The following TFEC variants were observed in gnomAD, a reference collection of about 807,000 sequenced individuals.
TFEC encodes the protein transcription factor EC, also known as class E basic helix-loop-helix protein 34.
Under a neutral mutation model 41.6 loss-of-function variants are expected in TFEC, and 31 were observed. That is an observed-to-expected ratio of 0.74 (90% CI 0.56 to 1.01). The LOEUF (loss-of-function observed/expected upper bound fraction) is 1.01. Among genes scored for constraint, TFEC ranks in the 50% least tolerant of loss-of-function variants. The pLI is 0.00. For missense variants in TFEC, 402 were observed against 404.1 expected (o/e 0.99, Z 0.04); for synonymous variants, 143 against 140.6 (o/e 1.02, Z -0.12).
intron 1 of TFEC, among the ~76,000 whole-genome samples, chr7:116,117,837 A>C (rs2116175357): frequency 6.6e-6 from 1 of 152,038 alleles, no homozygotes; most frequent in African/African-American, 2.4e-5. Flanking sequence ...TAGCCACATC[A>C]CTGAGTTATT....
chr7:116,094,044 T>C lies in TFEC; in HGVS notation c.198+16664A>G, dbSNP rs560515642. ...ACAAAAACAAAACCACAAGAAGAAA[T>C]TGAAAGTAGGCAGGACAAGTATAGA... On this transcript the variant is annotated intron_variant, in intron 3 of 8. Coordinates refer to the TFEC transcript ENST00000484212. Among the ~76,000 whole-genome samples the C allele has an allele frequency of 1.1e-4, 17 of 152,170 alleles. 1 individual carries two copies. The East Asian group carries it at 3.3e-3, about 29-fold the overall frequency.
chr7:115,958,967 T>A (rs1429476514), intron 3 of TFEC, among the ~76,000 whole-genome samples: 1 of 151,852 alleles, frequency 6.6e-6, no homozygotes, highest in Non-Finnish European at 1.5e-5. Context: ...ATGTACAGAT[T>A]GCATTCACCT....
In TFEC at chr7:116,075,624, T is replaced by C. The variant is rs191676114; in HGVS notation, c.198+35084A>G. Among the ~76,000 whole-genome samples, 18 of 152,120 alleles carry C rather than the reference T, an allele frequency of 1.2e-4. No individual in the cohort carries two copies. In the East Asian group the frequency reaches 3.5e-3, roughly 29 times the overall value. ...CCTGTGGCTGCTGGATTTCCCCCAC[T>C]TCCCTGGCAACCTGCATGACTCAGC... On this transcript the variant is annotated intron_variant, in intron 3 of 8. Coordinates refer to the TFEC transcript ENST00000484212.
chr7:116,137,941 A>C (rs954637939), intron 1 of TFEC, among the ~76,000 whole-genome samples: 6 of 152,082 alleles, frequency 3.9e-5, no homozygotes, highest in African/African-American at 2.4e-5. Context: ...GAATAAAATA[A>C]ATGAAAATAA....
intron 1 of TFEC, among the ~76,000 whole-genome samples, chr7:116,129,084 G>A (rs1338147708): frequency 6.6e-6 from 1 of 152,010 alleles, no homozygotes; most frequent in East Asian, 1.9e-4. Flanking sequence ...AGTCAGAAAG[G>A]TTGAAATTAA....
chr7:116,031,059 C>T (rs1392208406), upstream of TFEC, among the ~76,000 whole-genome samples: 2 of 152,044 alleles, frequency 1.3e-5, no homozygotes, highest in African/African-American at 2.4e-5. Flanking sequence ...TGGTTGTTAT[C>T]ATAATGGACT....
At chr7:115,990,608 T>G (rs1191150981) in intron 1 of TFEC, among the ~76,000 whole-genome samples, 1 of 152,096 alleles carries the variant, frequency 6.6e-6, no homozygotes, top group African/African-American at 2.4e-5. Context: ...GTAGCTGATT[T>G]GATCAAGTGG....
intron 2 of TFEC, among the ~76,000 whole-genome samples, chr7:115,975,425 A>G (rs193156891): frequency 5.3e-5 from 8 of 152,178 alleles, no homozygotes; most frequent in African/African-American, 1.9e-4. Flanking sequence ...TTATAATTCT[A>G]TTGATGTTAT....
intron 1 of TFEC, among the ~76,000 whole-genome samples, chr7:116,140,604 G>A (rs538975106): frequency 2.6e-5 from 4 of 152,312 alleles, no homozygotes; most frequent in African/African-American, 4.8e-5. Flanking sequence ...TGTATTGGCA[G>A]TGTCTTACAA....
chr7:115,976,232 T>C (rs1184153418), intron 2 of TFEC, among the ~76,000 whole-genome samples: 2 of 152,084 alleles, frequency 1.3e-5, no homozygotes, highest in African/African-American at 4.8e-5. Context: ...TAGACCAGCC[T>C]GGCCAACATG....
chr7:116,147,991 C>T (rs539983809), intron 1 of TFEC, among the ~76,000 whole-genome samples: 50 of 152,018 alleles, frequency 3.3e-4, no homozygotes, highest in African/African-American at 1.2e-3. Context: ...AAGGAATGGA[C>T]CCAGATAAGG....
chr7:115,995,942 G>A (rs1034163805), intron 1 of TFEC, among the ~76,000 whole-genome samples: 2 of 152,196 alleles, frequency 1.3e-5, no homozygotes, highest in South Asian at 2.1e-4. Context: ...TTTAGTTCTT[G>A]CAAGTCTCAC....
chr7:116,148,262 G>C (rs1798684391), intron 1 of TFEC, among the ~76,000 whole-genome samples: 1 of 152,200 alleles, frequency 6.6e-6, no homozygotes, highest in Non-Finnish European at 1.5e-5. Flanking sequence ...GATAGTAAAT[G>C]AAAGAGGAGC....
chr7:116,144,852 A>T (rs931327393), intron 1 of TFEC, among the ~76,000 whole-genome samples: 1 of 152,146 alleles, frequency 6.6e-6, no homozygotes, highest in Admixed American at 6.6e-5. Context: ...TTTTAGATTC[A>T]AGACTGCAAC....
chr7:116,150,418 C>G (rs1231668805), intron 1 of TFEC, among the ~76,000 whole-genome samples: 3 of 152,192 alleles, frequency 2.0e-5, no homozygotes, highest in Non-Finnish European at 4.4e-5. Flanking sequence ...ATTAGAACAG[C>G]TGGGACACCC....
At chr7:115,995,865 C>T (rs1355014782) in intron 1 of TFEC, among the ~76,000 whole-genome samples, 2 of 152,180 alleles carry the variant, frequency 1.3e-5, no homozygotes, top group Non-Finnish European at 2.9e-5. Context: ...ACACAGCTGG[C>T]ACCCGCAGAG....
intron 1 of TFEC, among the ~76,000 whole-genome samples, chr7:115,998,413 GGAAGA>G (rs1794452850): frequency 2.0e-5 from 3 of 151,644 alleles, no homozygotes. Flanking sequence ...AAGGAAAGAA[GGAAGA>G]GAAGACCACA....
intron 5 of TFEC, among the ~76,000 whole-genome samples, chr7:115,951,499 T>C (rs780627126): frequency 3.3e-5 from 5 of 152,080 alleles, no homozygotes; most frequent in Non-Finnish European, 7.4e-5. Context: ...TGTATATTGA[T>C]TAGGCTGTAA....
At chr7:116,121,519 T>C (rs983052532) in intron 1 of TFEC, 2 of 152,002 alleles carry the variant, frequency 1.3e-5, no homozygotes, top group Non-Finnish European at 2.9e-5. Flanking sequence ...GTACTGGAAG[T>C]CCTTAAATTG....
Sources: allele counts gnomAD v4.1 joint callset (sites outside exome capture counted in the v4.1 genomes callset), GRCh38; gene constraint gnomAD v4.1.1; transcripts MANE v1.5; gene names NCBI Gene and HGNC (gene_info 2026-07-23, HGNC 2026-07-21).